PLOD2: variants seen among roughly 807,000 people sequenced by gnomAD.
The protein encoded by PLOD2 is lysine hydroxylase 2.
Under a neutral mutation model 101.0 loss-of-function variants are expected in PLOD2, and 65 were observed. The ratio of observed to expected loss-of-function variants is 0.64; its 90% confidence interval spans 0.53 to 0.79. PLOD2 has a LOEUF of 0.79. Ranked by LOEUF, PLOD2 falls within the 30% of genes least tolerant of loss-of-function variation. The pLI, the probability that PLOD2 is intolerant of heterozygous loss-of-function variation, is 0.00. For synonymous variants in PLOD2, 314 were observed against 302.9 expected (o/e 1.04, Z -0.38); for missense variants, 909 against 914.6 (o/e 0.99, Z 0.08).
In PLOD2 at chr3:146,077,004, A is replaced by C. The variant is rs535422814; in HGVS notation, c.1564-109T>G. The C allele has an allele frequency of 1.1e-5, 14 of 1,274,696 alleles. No homozygotes were observed. In the South Asian group the frequency reaches 2.2e-4, roughly 20 times the overall value. The allele number at this position is 1,274,696 out of a possible 1,614,324, so 79.0% of individuals were successfully genotyped here. A position where few individuals can be genotyped will look rare whatever the true frequency, so the allele number is the denominator to read the frequency against. On this transcript the variant is annotated intron_variant, in intron 14 of 19. Transcript: ENST00000282903. ...TAATTTCTATCTTTATATTTCATTT[A>C]TGAACATGCATTTTTAGTATTCATA...
At chr3:146,071,248 A>G (rs533933411) in intron 18 of PLOD2, 29 bp downstream of exon 18, 13 of 1,611,692 alleles carry the variant, frequency 8.1e-6, no homozygotes, top group African/African-American at 5.3e-5. Flanking sequence ...TGGGTAAGAA[A>G]TAGGCTGGAG....
chr3:146,071,355 C>T lies in PLOD2; in HGVS notation c.1917G>A (p.Leu639=), dbSNP rs771345622. 1.2e-6 allele frequency: 2 copies of T among 1,612,100 alleles called. No individual in the cohort carries two copies. Among genetic ancestry groups the T allele is most frequent in the Admixed American group, 1.7e-5 (1 of 59,774 alleles). ...TDDIHMKQVD[L]ENVWLHFIRE... is the part of the protein sequence containing the mutation. ...GGATAAAATGAAGCCATACATTCTC[C>T]AGATCAACTTGCTTCATGTGGATAT... Residue 639 remains leucine, a synonymous_variant, in exon 18 of 20, where the codon CTG becomes CTA. Transcript: ENST00000282903.
In PLOD2 at chr3:146,160,773, G is replaced by C. The variant is rs564905122; in HGVS notation, c.109+108C>G. The C allele has an allele frequency of 2.7e-4, 197 of 725,580 alleles. 2 individuals carry two copies. The South Asian group carries it at 3.0e-3, about 11-fold the overall frequency. 44.9% of individuals were successfully genotyped at this position (725,580 alleles called of 1,614,324 possible). A position where few individuals can be genotyped will look rare whatever the true frequency, so the allele number is the denominator to read the frequency against. ...CCGGCGGTCCTGGAGAGGAGGGACA[G>C]GCCCCCACTACTCACCTGGCCAGCC... On this transcript the variant is annotated intron_variant, in intron 1 of 19. Coordinates refer to ENST00000282903, the MANE Select transcript of PLOD2 (RefSeq NM_182943.3).
At chr3:146,107,020 T>C (rs1448989730) in intron 4 of PLOD2, among the ~76,000 whole-genome samples, 1 of 152,206 alleles carries the variant, frequency 6.6e-6, no homozygotes, top group African/African-American at 2.4e-5. Flanking sequence ...AAAGCTCTTC[T>C]TGGATTCTCT....
At position 146,149,177 on chromosome 3, in the gene PLOD2, C is replaced by A. The variant is rs564879363; in HGVS notation, c.109+11704G>T. Among the ~76,000 whole-genome samples, 4 of 152,306 alleles carry A rather than the reference C, an allele frequency of 2.6e-5. No homozygotes were observed. The East Asian group carries it at 7.7e-4, about 29-fold the overall frequency. ...CCACACTTAAAAGCAACTTCCCTTC[C>A]TCTATTTCACTGACCCTCTCACTCC... On this transcript the variant is annotated intron_variant, in intron 1 of 19. Coordinates refer to ENST00000282903, the MANE Select transcript of PLOD2 (RefSeq NM_182943.3).
intron 11 of PLOD2, among the ~76,000 whole-genome samples, chr3:146,082,579 T>C (rs938580282): frequency 2.0e-5 from 3 of 151,834 alleles, no homozygotes; most frequent in African/African-American, 7.3e-5. Context: ...TTCTATTACA[T>C]GCACAAAAGT....
intron 1 of PLOD2, among the ~76,000 whole-genome samples, chr3:146,160,183 G>A (rs1395109366): frequency 6.6e-6 from 1 of 152,178 alleles, no homozygotes; most frequent in African/African-American, 2.4e-5. Flanking sequence ...AGACAGACGT[G>A]GTGAAACTCT....
intron 1 of PLOD2, among the ~76,000 whole-genome samples, chr3:146,146,711 C>T (rs1272933270): frequency 6.6e-6 from 1 of 152,190 alleles, no homozygotes; most frequent in East Asian, 1.9e-4. Flanking sequence ...CAATGGTGGG[C>T]TCCTGATTCC....
intron 7 of PLOD2, among the ~76,000 whole-genome samples, chr3:146,101,959 G>A (rs185318869): frequency 5.9e-4 from 90 of 152,288 alleles, no homozygotes; most frequent in African/African-American, 2.1e-3. Flanking sequence ...GAAGTTGCCA[G>A]CATGCGTTTT....
intron 1 of PLOD2, among the ~76,000 whole-genome samples, chr3:146,125,513 G>A (rs1048815171): frequency 2.0e-5 from 3 of 152,050 alleles, no homozygotes; most frequent in Non-Finnish European, 4.4e-5. Context: ...TTGGGAGGCC[G>A]AGGTGAGCAT....
At chr3:146,081,640 A>C (rs1936543018) in intron 12 of PLOD2, 98 bp downstream of exon 12, 2 of 962,204 alleles carry the variant, frequency 2.1e-6, no homozygotes, top group African/African-American at 3.3e-5. Flanking sequence ...AACTATAAAG[A>C]AAAGAGATGA....
intron 7 of PLOD2, among the ~76,000 whole-genome samples, chr3:146,100,798 G>T (rs1035933131): frequency 6.6e-6 from 1 of 152,258 alleles, no homozygotes; most frequent in East Asian, 1.9e-4. Context: ...AAAGAGCCTT[G>T]TATGACAAGT....
intron 1 of PLOD2, among the ~76,000 whole-genome samples, chr3:146,131,519 T>C (rs983694822): frequency 2.6e-5 from 4 of 152,206 alleles, no homozygotes; most frequent in African/African-American, 9.6e-5. Flanking sequence ...AAATAAGTAT[T>C]TGGTACATAA....
At chr3:146,141,555 A>C (rs757722462) in intron 1 of PLOD2, among the ~76,000 whole-genome samples, 6 of 152,126 alleles carry the variant, frequency 3.9e-5, no homozygotes, top group Non-Finnish European at 8.8e-5. Context: ...TTCTTTCAAC[A>C]GATACTGACA....
intron 1 of PLOD2, among the ~76,000 whole-genome samples, chr3:146,155,041 T>C (rs1437319541): frequency 6.6e-6 from 1 of 152,214 alleles, no homozygotes. Context: ...ATTTTTAAAT[T>C]ATAAACTATT....
At chr3:146,099,459 C>T (rs1237992184) in intron 7 of PLOD2, among the ~76,000 whole-genome samples, 5 of 151,876 alleles carry the variant, frequency 3.3e-5, no homozygotes, top group African/African-American at 7.3e-5. Flanking sequence ...TGCAATGGCC[C>T]GATCTTGGCT....
intron 1 of PLOD2, among the ~76,000 whole-genome samples, chr3:146,124,797 C>T (rs9289718): frequency 0.52 from 78,430 of 151,936 alleles, 20,345 homozygotes; most frequent in Middle Eastern, 0.56. Flanking sequence ...AAAATTCTTA[C>T]AAGCGACAAC....
intron 3 of PLOD2, among the ~76,000 whole-genome samples, chr3:146,114,712 G>A (rs1256898703): frequency 6.6e-6 from 1 of 152,164 alleles, no homozygotes; most frequent in Non-Finnish European, 1.5e-5. Context: ...AGTAGAGGTA[G>A]CTACTGGAGA....
chr3:146,111,338 C>T (rs1937628895), intron 3 of PLOD2, among the ~76,000 whole-genome samples: 2 of 152,150 alleles, frequency 1.3e-5, no homozygotes, highest in South Asian at 4.1e-4. Flanking sequence ...TCACTCACAG[C>T]ATACAATTTG....
Sources: allele counts gnomAD v4.1 joint callset (sites outside exome capture counted in the v4.1 genomes callset), GRCh38; gene constraint gnomAD v4.1.1; transcripts MANE v1.5; gene names NCBI Gene and HGNC (gene_info 2026-07-23, HGNC 2026-07-21).